The following GNA12 variants were observed in gnomAD, a reference collection of about 807,000 sequenced individuals.
The protein encoded by GNA12 is G protein subunit alpha 12.
In GNA12, 9 loss-of-function variants were observed where a neutral mutation model predicts 26.0. The ratio of observed to expected loss-of-function variants is 0.35; its 90% CI spans 0.21 to 0.60. The LOEUF (loss-of-function observed/expected upper bound fraction) is 0.60. Among genes scored for constraint, GNA12 ranks in the 20% least tolerant of loss-of-function variants. The pLI, the probability that GNA12 is intolerant of heterozygous loss-of-function variation, is 0.78. For missense variants in GNA12, 405 were observed against 525.8 expected (o/e 0.77, Z 2.25); for synonymous variants, 264 against 219.6 (o/e 1.20, Z -1.79).
chr7:2,764,337 C>T (rs1186593412), intron 2 of GNA12, among the ~76,000 whole-genome samples: 1 of 151,972 alleles, frequency 6.6e-6, no homozygotes, highest in East Asian at 1.9e-4. Flanking sequence ...CCCATCTCAG[C>T]CTCCCAAAGT....
At chr7:2,838,534 T>C (rs1778902252) in intron 1 of GNA12, among the ~76,000 whole-genome samples, 2 of 152,148 alleles carry the variant, frequency 1.3e-5, no homozygotes, top group African/African-American at 4.8e-5. Flanking sequence ...CAGTGAGCCA[T>C]GATCGTGCCA....
chr7:2,733,327 A>T (rs1425615203), intron 3 of GNA12, 124 bp downstream of exon 3: 1 of 761,574 alleles, frequency 1.3e-6, no homozygotes, highest in Non-Finnish European at 2.3e-6. Context: ...TATTCGTGGT[A>T]ATGTGACAGA....
rs866145158 is a variant in GNA12 at position 2,793,869 on chromosome 7, G to A, written c.525+1059C>T. Reference sequence around the variant, plus strand: ...TGCACTCCAGGCTGGGCAACAGCGCGAGACTCCATCTCAAAAAAAAAAAAA... The same window carrying A: ...TGCACTCCAGGCTGGGCAACAGCGCAAGACTCCATCTCAAAAAAAAAAAAA... On this transcript the variant is annotated intron_variant, in intron 2 of 3. Coordinates refer to ENST00000275364, the MANE Select transcript of GNA12 (RefSeq NM_007353.3). 1.9e-4 allele frequency among the ~76,000 whole-genome samples: 25 copies of A among 131,452 alleles called. No homozygotes were observed. In the South Asian group the frequency reaches 2.3e-3, roughly 12 times the overall value. The allele number at this position is 131,452 out of a possible 152,430, so 86.2% of individuals were successfully genotyped here.
intron 1 of GNA12, among the ~76,000 whole-genome samples, chr7:2,838,330 G>T (rs901741704): frequency 2.0e-5 from 3 of 150,344 alleles, no homozygotes; most frequent in African/African-American, 7.3e-5. Context: ...CTATAATCTC[G>T]GCACTTTGGC....
intron 2 of GNA12, among the ~76,000 whole-genome samples, chr7:2,772,388 G>C (rs1368359304): frequency 6.6e-6 from 1 of 152,020 alleles, no homozygotes; most frequent in Non-Finnish European, 1.5e-5. Context: ...GGTGAAACCC[G>C]TCTCTACTAA....
At position 2,814,799 on chromosome 7, in the gene GNA12, C is replaced by T. The variant is rs536590276; in HGVS notation, c.310-19656G>A. 2.3e-4 allele frequency: 317 copies of T among 1,387,762 alleles called. 2 individuals are homozygous for T. The African/African-American group carries it at 3.6e-3, about 16-fold the overall frequency. 86.0% of individuals were successfully genotyped at this position (1,387,762 alleles called of 1,614,324 possible). A position where few individuals can be genotyped will look rare whatever the true frequency, so the allele number is the denominator to read the frequency against. ...CTAGAAAGGGTTCCCTGACCTGCCC[C>T]GCACTGCTCCCAAGCACCCTTCCTG... On this transcript the variant is annotated intron_variant, in intron 1 of 3. Transcript: ENST00000275364.
intron 2 of GNA12, among the ~76,000 whole-genome samples, chr7:2,788,519 TTGAC>T (rs1030746206): frequency 6.6e-5 from 10 of 152,198 alleles, no homozygotes; most frequent in African/African-American, 2.2e-4. Context: ...CTACATGTAA[TTGAC>T]TGGCCACAAT....
intron 2 of GNA12, among the ~76,000 whole-genome samples, chr7:2,786,444 GAATA>G (rs1362668086): frequency 6.6e-6 from 1 of 152,132 alleles, no homozygotes; most frequent in African/African-American, 2.4e-5. Context: ...ACTAAGAAGA[GAATA>G]AATGTAAATG....
chr7:2,799,103 TAC>T (rs763077442), intron 1 of GNA12, among the ~76,000 whole-genome samples: 79 of 152,308 alleles, frequency 5.2e-4, no homozygotes, highest in Admixed American at 1.2e-3. Flanking sequence ...TGACTCCAAA[TAC>T]ATGATTCACA....
chr7:2,832,397 G>A (rs948009820), intron 1 of GNA12, among the ~76,000 whole-genome samples: 6 of 152,202 alleles, frequency 3.9e-5, no homozygotes, highest in African/African-American at 1.2e-4. Context: ...CCCGCATCTA[G>A]CCTGGCCTTT....
At chr7:2,792,069 G>A (rs552343390) in intron 2 of GNA12, among the ~76,000 whole-genome samples, 1 of 152,250 alleles carries the variant, frequency 6.6e-6, no homozygotes, top group African/African-American at 2.4e-5. Flanking sequence ...CCAAAGGGAC[G>A]ACTACTGACC....
At chr7:2,789,153 T>TTTTTTTTTTTTTA in intron 2 of GNA12, among the ~76,000 whole-genome samples, 1 of 130,098 alleles carries the variant, frequency 7.7e-6, no homozygotes, top group South Asian at 2.6e-4. Context: ...TTTTTTTTTT[T>TTTTTTTTTTTTTA]GAGACGGAGT....
In GNA12 at chr7:2,844,210, C is replaced by G; in HGVS notation, c.-49G>C. On this transcript the variant is annotated 5_prime_UTR_variant, in exon 1 of 4. Coordinates refer to ENST00000275364, the MANE Select transcript of GNA12 (RefSeq NM_007353.3). ...CCCGCCGGCGCCCGGGGGCCATGGACGCTCCCGCCGGCGAGGGCGAGCCCG... is the reference window on the plus strand; with the variant it reads ...CCCGCCGGCGCCCGGGGGCCATGGAGGCTCCCGCCGGCGAGGGCGAGCCCG... 1 of 917,206 alleles carries G rather than the reference C, an allele frequency of 1.1e-6. No homozygotes were observed. The highest frequency in any genetic ancestry group is 1.3e-6 in the Non-Finnish European group (1 of 769,976). 56.8% of individuals were successfully genotyped at this position (917,206 alleles called of 1,614,324 possible).
At chr7:2,740,833 G>A (rs1428501428) in intron 2 of GNA12, among the ~76,000 whole-genome samples, 2 of 152,084 alleles carry the variant, frequency 1.3e-5, no homozygotes, top group East Asian at 1.9e-4. Context: ...TCACGAGGTC[G>A]AGAGATCTAG....
chr7:2,738,796 C>A (rs563749335), intron 2 of GNA12, among the ~76,000 whole-genome samples: 1 of 152,194 alleles, frequency 6.6e-6, no homozygotes, highest in African/African-American at 2.4e-5. Flanking sequence ...AGGTTAGAGG[C>A]GGAACCTAGA....
chr7:2,763,136 G>C (rs987397521), intron 2 of GNA12: 8 of 1,195,148 alleles, frequency 6.7e-6, no homozygotes, highest in Non-Finnish European at 8.3e-6. Context: ...CTTCTCAGAA[G>C]CATTTCTCGA....
intron 1 of GNA12, among the ~76,000 whole-genome samples, chr7:2,842,540 C>T (rs1372664169): frequency 6.6e-6 from 1 of 152,198 alleles, no homozygotes; most frequent in Non-Finnish European, 1.5e-5. Context: ...TCAAGTGATC[C>T]TCCTGCCTCA....
At chr7:2,736,480 T>C (rs1039651605) in intron 2 of GNA12, among the ~76,000 whole-genome samples, 1 of 152,162 alleles carries the variant, frequency 6.6e-6, no homozygotes, top group Non-Finnish European at 1.5e-5. Context: ...GTCTGTCCTC[T>C]CACGAGCAAC....
chr7:2,824,869 T>C (rs1793448570), intron 1 of GNA12, among the ~76,000 whole-genome samples: 1 of 152,168 alleles, frequency 6.6e-6, no homozygotes, highest in Non-Finnish European at 1.5e-5. Context: ...CCAGGCCTAC[T>C]GAATAGAATC....
Sources: allele counts gnomAD v4.1 joint callset (sites outside exome capture counted in the v4.1 genomes callset), GRCh38; gene constraint gnomAD v4.1.1; transcripts MANE v1.5; gene names NCBI Gene and HGNC (gene_info 2026-07-23, HGNC 2026-07-21).